Variants in RASA2 observed in about 807,000 individuals in gnomAD.
The protein encoded by RASA2 is ras GTPase-activating protein 2.
In RASA2, 155 loss-of-function variants were observed where a neutral mutation model predicts 118.2. The ratio of observed to expected loss-of-function variants is 1.31; its 90% CI spans 1.15 to 1.50. RASA2 has a LOEUF of 1.50. RASA2 is among the 40% of genes most tolerant of loss of function. The pLI, the probability that RASA2 is intolerant of heterozygous loss-of-function variation, is 0.00. For missense variants in RASA2, 1,016 were observed against 1,009.6 expected, an observed-to-expected ratio of 1.01 and a Z score of -0.09; for synonymous variants, 353 against 349.1, an observed-to-expected ratio of 1.01 and a Z score of -0.12.
Position 141,570,916 on chromosome 3 carries a change from T to C in RASA2, c.868T>C (p.Leu290=), listed in dbSNP as rs2151129140. Residue 290 remains leucine, a synonymous_variant, in exon 10 of 24, where the codon TTG becomes CTG. Coordinates refer to ENST00000286364, the MANE Select transcript of RASA2 (RefSeq NM_006506.5). ...RTDSSHQAWY[L]LQPRDNGNKS... Reference sequence around the variant, plus strand: ...TCACTTATATTTTTACTTTAGGTACTTGCTACAGCCAAGAGACAATGGAAA... The same window carrying C: ...TCACTTATATTTTTACTTTAGGTACCTGCTACAGCCAAGAGACAATGGAAA... 1 of 1,602,972 alleles carries C rather than the reference T, an allele frequency of 6.2e-7. No individual in the cohort carries two copies. Among genetic ancestry groups the C allele is most frequent in the African/African-American group, 1.3e-5 (1 of 74,166 alleles).
chr3:141,568,193 T>C (rs1404688386), intron 9 of RASA2, among the ~76,000 whole-genome samples: 3 of 152,178 alleles, frequency 2.0e-5, no homozygotes, highest in Non-Finnish European at 4.4e-5. Context: ...ATGAATATTA[T>C]GTACCCGTTA....
At chr3:141,587,540 C>A (rs1180983122) in intron 19 of RASA2, among the ~76,000 whole-genome samples, 2 of 151,932 alleles carry the variant, frequency 1.3e-5, no homozygotes, top group Non-Finnish European at 2.9e-5. Flanking sequence ...GGCAAAACCC[C>A]ATCTCTACTA....
chr3:141,523,853 T>TA (rs2082147622), intron 3 of RASA2, among the ~76,000 whole-genome samples: 1 of 152,232 alleles, frequency 6.6e-6, no homozygotes, highest in Non-Finnish European at 1.5e-5. Flanking sequence ...CTATGTGATC[T>TA]TCATTGAGTC....
chr3:141,576,591 G>T (rs377552196), intron 14 of RASA2, among the ~76,000 whole-genome samples: 12 of 152,070 alleles, frequency 7.9e-5, no homozygotes, highest in African/African-American at 2.7e-4. Context: ...CAAGATTTTT[G>T]GGGGGGATAT....
intron 3 of RASA2, among the ~76,000 whole-genome samples, chr3:141,517,338 T>G (rs1577670407): frequency 6.6e-6 from 1 of 152,226 alleles, no homozygotes; most frequent in South Asian, 2.1e-4. Flanking sequence ...AGAATATAGG[T>G]TTATTGGCTC....
At chr3:141,544,911 G>T (rs923105560) in intron 5 of RASA2, among the ~76,000 whole-genome samples, 22 of 152,260 alleles carry the variant, frequency 1.4e-4, no homozygotes, top group African/African-American at 5.3e-4. Context: ...AATACTGCAC[G>T]TGCTCACTTA....
chr3:141,608,798 T>A (rs1304191181), intron 21 of RASA2, 101 bp downstream of exon 21: 1 of 1,291,888 alleles, frequency 7.7e-7, no homozygotes, highest in Non-Finnish European at 1.1e-6. Context: ...TACTGATCCA[T>A]GCAACAACAA....
chr3:141,609,795 T>C, intron 22 of RASA2, 82 bp from the exon 23 acceptor site: 2 of 1,316,188 alleles, frequency 1.5e-6, no homozygotes, highest in Non-Finnish European at 2.0e-6. Context: ...ATAAGACACT[T>C]GAAAAATTCT....
Position 141,600,350 on chromosome 3 carries a change from G to A in RASA2, c.1934-7328G>A, listed in dbSNP as rs1482706924. Reference sequence around the variant, plus strand: ...AGTGTTAGGTTGTCTCTAAGCAATTGCATGATGAGGGTTCTTGTCGGAGGT... The same window carrying A: ...AGTGTTAGGTTGTCTCTAAGCAATTACATGATGAGGGTTCTTGTCGGAGGT... On this transcript the variant is annotated intron_variant, in intron 19 of 23. Coordinates refer to ENST00000286364, the MANE Select transcript of RASA2 (RefSeq NM_006506.5). 6 of 519,820 alleles carry A rather than the reference G, an allele frequency of 1.2e-5. No individual in the cohort carries two copies. The African/African-American group carries it at 1.2e-4, about 10-fold the overall frequency. 32.2% of individuals were successfully genotyped at this position (519,820 alleles called of 1,614,324 possible). A position where few individuals can be genotyped will look rare whatever the true frequency, so the allele number is the denominator to read the frequency against.
At chr3:141,545,401 G>A (rs1357054114) in intron 5 of RASA2, among the ~76,000 whole-genome samples, 2 of 151,940 alleles carry the variant, frequency 1.3e-5, no homozygotes, top group African/African-American at 4.8e-5. Flanking sequence ...CACCAAGCGG[G>A]AGCAGGTGTC....
intron 19 of RASA2, among the ~76,000 whole-genome samples, chr3:141,595,410 G>A (rs1368100001): frequency 5.3e-5 from 8 of 152,146 alleles, no homozygotes; most frequent in Admixed American, 5.2e-4. Context: ...GTAATTGGGT[G>A]GAGAAAGATG....
At chr3:141,558,864 T>C in intron 7 of RASA2, 22 bp from the exon 8 acceptor site, 1 of 1,537,740 alleles carries the variant, frequency 6.5e-7, no homozygotes, top group Non-Finnish European at 8.9e-7. Context: ...AAAAAATTTT[T>C]ACTAAAATAT....
At chr3:141,594,852 T>A (rs2083342284) in intron 19 of RASA2, among the ~76,000 whole-genome samples, 1 of 150,478 alleles carries the variant, frequency 6.6e-6, no homozygotes, top group African/African-American at 2.4e-5. Context: ...GGTAAATATG[T>A]GGGTAAATGT....
rs75443216 is a variant in RASA2, at chr3:141,554,088, A to G, written c.611+148A>G. The G allele has an allele frequency of 9.3e-4, 1,262 of 1,360,718 alleles. 7 individuals carry two copies. In the African/African-American group the frequency reaches 0.016, roughly 17 times the overall value. The allele number at this position is 1,360,718 out of a possible 1,614,324, so 84.3% of individuals were successfully genotyped here. On this transcript the variant is annotated intron_variant, in intron 6 of 23. Coordinates refer to ENST00000286364, the MANE Select transcript of RASA2 (RefSeq NM_006506.5). ...GAAAGAAAAATCTTTAGTGAGTTCT[A>G]TTATACACTTGTCAATAACAAAGCC...
chr3:141,555,059 C>T (rs958786296), intron 6 of RASA2, among the ~76,000 whole-genome samples: 12 of 152,084 alleles, frequency 7.9e-5, no homozygotes, highest in African/African-American at 2.9e-4. Flanking sequence ...GTCAGGAGTT[C>T]GAGATCAGCC....
intron 4 of RASA2, 126 bp from the exon 5 acceptor site, chr3:141,540,407 T>G (rs1057214643): frequency 5.7e-5 from 34 of 597,238 alleles, no homozygotes; most frequent in Non-Finnish European, 9.4e-5. Flanking sequence ...AACAAGTACT[T>G]AGTGTAGGCA....
intron 19 of RASA2, among the ~76,000 whole-genome samples, chr3:141,604,329 CTCTA>C (rs1183225466): frequency 6.6e-6 from 1 of 152,018 alleles, no homozygotes; most frequent in Non-Finnish European, 1.5e-5. Context: ...GGTGTTTGCA[CTCTA>C]TCTTTCTGTC....
Position 141,520,522 on chromosome 3 carries a change from A to G in RASA2, c.355+4091A>G, listed in dbSNP as rs142548615. On this transcript the variant is annotated intron_variant, in intron 3 of 23. Coordinates refer to ENST00000286364, the MANE Select transcript of RASA2 (RefSeq NM_006506.5). ...GTGGTTTTGAACCTTTTGAGAATGT[A>G]TGTAACTATATATAACTGGAGTGTG... Among the ~76,000 whole-genome samples, 28 of 151,150 alleles carry G rather than the reference A, an allele frequency of 1.9e-4. No individual in the cohort carries two copies. The East Asian group carries it at 5.4e-3, about 29-fold the overall frequency.
chr3:141,551,748 T>C (rs539592117), intron 5 of RASA2, among the ~76,000 whole-genome samples: 40 of 152,310 alleles, frequency 2.6e-4, no homozygotes, highest in African/African-American at 9.4e-4. Flanking sequence ...AAATTTTCTT[T>C]TAGTTTAAAA....
Sources: allele counts gnomAD v4.1 joint callset (sites outside exome capture counted in the v4.1 genomes callset), GRCh38; gene constraint gnomAD v4.1.1; transcripts MANE v1.5; gene names NCBI Gene and HGNC (gene_info 2026-07-23, HGNC 2026-07-21).